Variants in CLEC12A observed in about 807,000 individuals in gnomAD.
The protein encoded by CLEC12A is C-type lectin domain family 12 member A.
In CLEC12A, 22 loss-of-function variants were observed where a neutral mutation model predicts 26.5. That is an observed-to-expected ratio of 0.83 (90% CI 0.59 to 1.19). The LOEUF is 1.19. CLEC12A is among the 50% of genes most tolerant of loss of function. The pLI is 0.00. For missense variants in CLEC12A, 353 were observed against 315.6 expected (o/e 1.12, Z -0.90); for synonymous variants, 119 against 101.9 (o/e 1.17, Z -1.01).
At chr12:9,957,302 A>G (rs1024908764) in intron 1 of CLEC12A, among the ~76,000 whole-genome samples, 8 of 152,182 alleles carry the variant, frequency 5.3e-5, no homozygotes, top group African/African-American at 1.9e-4. Context: ...AGCCTGACCA[A>G]CATGGACAAA....
At chr12:9,993,067 G>A in intron 4 of CLEC12A, 1 of 1,350,406 alleles carries the variant, frequency 7.4e-7, no homozygotes, top group Non-Finnish European at 1.0e-6. Context: ...GCAATTTTCA[G>A]CTACTGATGC....
intron 1 of CLEC12A, among the ~76,000 whole-genome samples, chr12:9,964,898 G>C (rs1300005772): frequency 6.6e-6 from 1 of 152,120 alleles, no homozygotes; most frequent in African/African-American, 2.4e-5. Flanking sequence ...GTGAATCAGA[G>C]AGATACAGTC....
chr12:9,986,422 C>CCT (rs1237567997), downstream of CLEC12A, among the ~76,000 whole-genome samples: 6 of 137,010 alleles, frequency 4.4e-5, no homozygotes, highest in Non-Finnish European at 9.7e-5. Flanking sequence ...TATCCCCCCC[C>CCT]CCCTTTTTTT....
intron 1 of CLEC12A, chr12:9,952,195 G>GTCTCCC (rs372409304): frequency 1.1e-4 from 10 of 91,024 alleles, no homozygotes; most frequent in Non-Finnish European, 2.0e-4. Context: ...CTCCCTCTCC[G>GTCTCCC]TCTCCCTCTC....
At chr12:9,997,351 A>G (rs1009430839), downstream of CLEC12A, 5 of 1,396,204 alleles carry the variant, frequency 3.6e-6, no homozygotes, top group African/African-American at 4.4e-5. Flanking sequence ...CTGTCATTGA[A>G]TTTTCATTTC....
intron 4 of CLEC12A, chr12:9,991,724 G>T (rs1286567872): frequency 6.6e-6 from 1 of 151,918 alleles, no homozygotes. Flanking sequence ...TATTTATTGA[G>T]TATGTATTAC....
chr12:9,954,217 A>T (rs1244293061), intron 1 of CLEC12A, among the ~76,000 whole-genome samples: 3 of 150,308 alleles, frequency 2.0e-5, no homozygotes, highest in Non-Finnish European at 4.5e-5. Context: ...AAAAAAAAAA[A>T]AAAAAAAAAA....
At chr12:10,001,941 G>A in the CLEC12A span, among the ~76,000 whole-genome samples, 10 of 147,888 alleles carry the variant, frequency 6.8e-5, no homozygotes, top group Admixed American at 1.4e-4. Flanking sequence ...GTGCAGTGGC[G>A]CCATCTTGGC....
chr12:9,991,308 T>G (rs533432089), intron 4 of CLEC12A: 3 of 152,316 alleles, frequency 2.0e-5, no homozygotes, highest in South Asian at 4.1e-4. Context: ...ACTTTAGATA[T>G]GAATACCAGA....
chr12:9,957,735 C>CT (rs1202007813), intron 1 of CLEC12A, among the ~76,000 whole-genome samples: 1 of 152,182 alleles, frequency 6.6e-6, no homozygotes, highest in African/African-American at 2.4e-5. Context: ...ACTTCAAGTT[C>CT]TATCCTTTGT....
Position 9,951,649 on chromosome 12 carries a change from A to G in CLEC12A, c.10+293A>G, listed in dbSNP as rs117133882. ...CAACAAACAGGGAGAAAGCAACTCA[A>G]CTGTTTCAGTTTGGACTCTCTTGGG... On this transcript the variant is annotated intron_variant, in intron 1 of 6. Coordinates refer to the CLEC12A transcript ENST00000355690. 3.4e-3 allele frequency: 1,434 copies of G among 427,210 alleles called. 8 individuals carry two copies. Among genetic ancestry groups the G allele is most frequent in the Non-Finnish European group, 3.4e-3 (786 of 229,230 alleles). 26.5% of individuals were successfully genotyped at this position (427,210 alleles called of 1,614,324 possible).
upstream of CLEC12A, among the ~76,000 whole-genome samples, chr12:9,967,862 G>A (rs1297271322): frequency 2.0e-5 from 3 of 152,180 alleles, no homozygotes; most frequent in Non-Finnish European, 2.9e-5. Context: ...GTCCCCACAT[G>A]GTCAGACACC....
chr12:9,974,130 C>G (rs1300336562), intron 1 of CLEC12A, among the ~76,000 whole-genome samples: 1 of 152,098 alleles, frequency 6.6e-6, no homozygotes, highest in Non-Finnish European at 1.5e-5. Flanking sequence ...CTGTTTCATC[C>G]CAATAGTCAC....
At chr12:9,952,295 C>G (rs1385793517) in intron 1 of CLEC12A, among the ~76,000 whole-genome samples, 1 of 150,608 alleles carries the variant, frequency 6.6e-6, no homozygotes, top group African/African-American at 2.4e-5. Flanking sequence ...GCCTGATTCT[C>G]CTGCCTCAGC....
chr12:9,963,376 G>A (rs1299334144), intron 1 of CLEC12A, among the ~76,000 whole-genome samples: 5 of 148,626 alleles, frequency 3.4e-5, no homozygotes, highest in Admixed American at 2.7e-4. Flanking sequence ...AGGCCTCAGC[G>A]GTTTTGGAGG....
chr12:9,987,849 C>T (rs549762618), downstream of CLEC12A, among the ~76,000 whole-genome samples: 10 of 151,882 alleles, frequency 6.6e-5, no homozygotes, highest in Admixed American at 4.6e-4. Context: ...GCTCTTGTCA[C>T]CCAGGCTGGA....
At chr12:9,953,771 G>A (rs1177808394) in intron 1 of CLEC12A, among the ~76,000 whole-genome samples, 7 of 152,070 alleles carry the variant, frequency 4.6e-5, no homozygotes, top group African/African-American at 1.2e-4. Flanking sequence ...ATAGAAAGGC[G>A]GGAAAGGTGG....
chr12:9,971,833 A>C (rs1864139678), intron 1 of CLEC12A, 146 bp downstream of exon 1: 1 of 584,308 alleles, frequency 1.7e-6, no homozygotes, highest in African/African-American at 1.9e-5. Context: ...CAAAAAGTGT[A>C]TGAACAAAAT....
chr12:9,987,318 T>A (rs770088081), downstream of CLEC12A, among the ~76,000 whole-genome samples: 5 of 152,210 alleles, frequency 3.3e-5, no homozygotes, highest in African/African-American at 4.8e-5. Flanking sequence ...CCATCATTTT[T>A]ATTAGCATAG....
Sources: gnomAD v4.1 joint callset for allele counts (sites outside exome capture counted in the v4.1 genomes callset) on GRCh38, gnomAD v4.1.1 for gene constraint, MANE v1.5 for transcripts, NCBI Gene and HGNC (gene_info 2026-07-23, HGNC 2026-07-21) for gene names.